Variants in LUZP1 observed in about 807,000 individuals in gnomAD.
LUZP1 encodes leucine zipper protein 1.
LUZP1 carries 25 observed loss-of-function variants against 71.3 expected under a neutral mutation model. The ratio of observed to expected loss-of-function variants is 0.35; its 90% CI spans 0.26 to 0.49. The LOEUF is 0.49. Among genes scored for constraint, LUZP1 ranks in the 20% least tolerant of loss-of-function variants. The pLI is 0.99. For missense variants in LUZP1, 1,142 were observed against 1,300.8 expected, an observed-to-expected ratio of 0.88 and a Z score of 1.88; for synonymous variants, 481 against 506.4, an observed-to-expected ratio of 0.95 and a Z score of 0.67.
chr1:23,108,925 C>A (rs1480103499), intron 3 of LUZP1, 97 bp downstream of exon 2: 1 of 152,216 alleles, frequency 6.6e-6, no homozygotes, highest in Non-Finnish European at 1.5e-5. Context: ...CAAATACTGA[C>A]TTTCCTCCCC....
chr1:23,093,299 G>A lies in LUZP1; in HGVS notation c.963C>T (p.Asp321=). 1 of 1,610,560 alleles carries A rather than the reference G, an allele frequency of 6.2e-7. No homozygotes were observed. The highest frequency in any genetic ancestry group is 8.5e-7 in the Non-Finnish European group (1 of 1,179,194). ...GTTCACTTAGGTAATTATCCTGAAG[G>A]TCGTTATTTTTGGACTTCATTTTCT... Residue 321 remains aspartate (D), a synonymous_variant, in exon 4 of 5, where the codon GAC becomes GAT. Transcript: ENST00000302291. The surrounding 1 kb of genome is among the most constrained non-coding windows in gnomAD (Gnocchi z 4.2).
chr1:23,091,268 A>G, exon 4 of LUZP1: 1 of 1,614,036 alleles, frequency 6.2e-7, no homozygotes, highest in East Asian at 2.2e-5. Flanking sequence ...CCTCTGACAC[A>G]GTGAGGCTAC....
intron 2 of LUZP1, among the ~76,000 whole-genome samples, chr1:23,128,259 C>T (rs1417261153): frequency 6.6e-6 from 1 of 150,872 alleles, no homozygotes; most frequent in African/African-American, 2.4e-5. Context: ...TGGAATCCAT[C>T]ATAACATAAT....
intron 2 of LUZP1, among the ~76,000 whole-genome samples, chr1:23,148,444 T>G (rs1265290960): frequency 6.6e-6 from 1 of 152,194 alleles, no homozygotes; most frequent in African/African-American, 2.4e-5. Flanking sequence ...AAAATTTGCT[T>G]TACTAAATTT....
At chr1:23,163,237 C>CAAAA (rs36097785) in intron 2 of LUZP1, among the ~76,000 whole-genome samples, 2 of 45,142 alleles carry the variant, frequency 4.4e-5, no homozygotes, top group Non-Finnish European at 9.1e-5. Flanking sequence ...GAGACTCTCT[C>CAAAA]AAAAAAAAAA....
exon 5 of LUZP1, chr1:23,085,077 A>G (rs1643742890): frequency 6.6e-6 from 1 of 152,652 alleles, no homozygotes; most frequent in African/African-American, 2.4e-5. Flanking sequence ...CATGCACCCA[A>G]GGAGCCCTGA....
At chr1:23,086,046 G>GT (rs540420719) in exon 5 of LUZP1, 1 of 152,250 alleles carries the variant, frequency 6.6e-6, no homozygotes, top group Non-Finnish European at 1.5e-5. Flanking sequence ...ACCGGGGGCA[G>GT]TGGGACTATT....
chr1:23,110,962 G>A lies in LUZP1; in HGVS notation c.-225-1835C>T, dbSNP rs183458237. On this transcript the variant is annotated intron_variant, in intron 2 of 4. Transcript: ENST00000302291. ...CGCCTGTAATCCCAGCACTTTGGGC[G>A]GCCAAGGCGGGCAGATCACCTGAGG... Among the ~76,000 whole-genome samples the A allele has an allele frequency of 2.6e-4, 39 of 152,112 alleles. 1 individual carries two copies. Among genetic ancestry groups the A allele is most frequent in the South Asian group, 8.3e-4 (4 of 4,810 alleles).
intron 2 of LUZP1, among the ~76,000 whole-genome samples, chr1:23,139,023 T>C (rs1451262234): frequency 1.4e-5 from 1 of 71,330 alleles, no homozygotes; most frequent in East Asian, 3.6e-4. Flanking sequence ...AAAAAAAATA[T>C]ATATATATAT....
intron 2 of LUZP1, among the ~76,000 whole-genome samples, chr1:23,136,072 G>A (rs1644250766): frequency 6.6e-6 from 1 of 152,016 alleles, no homozygotes; most frequent in Non-Finnish European, 1.5e-5. Flanking sequence ...GAGCTTTTTT[G>A]TGCCTCTAAT....
chr1:23,177,260 CACA>C (rs1644587986), intron 1 of LUZP1, among the ~76,000 whole-genome samples: 1 of 152,118 alleles, frequency 6.6e-6, no homozygotes, highest in Non-Finnish European at 1.5e-5. Flanking sequence ...ATGCAACACA[CACA>C]ACATGTTACA....
intron 3 of LUZP1, among the ~76,000 whole-genome samples, chr1:23,103,814 AGGAG>A (rs912247876): frequency 7.6e-6 from 1 of 132,354 alleles, no homozygotes; most frequent in African/African-American, 2.8e-5. Context: ...TTTATTGGGA[AGGAG>A]GGAGGGAGGA....
At chr1:23,112,770 T>C (rs983561532) in intron 2 of LUZP1, among the ~76,000 whole-genome samples, 2 of 152,196 alleles carry the variant, frequency 1.3e-5, no homozygotes, top group African/African-American at 4.8e-5. Context: ...CTAGGCTTTC[T>C]GTCCTGAAGA....
intron 2 of LUZP1, among the ~76,000 whole-genome samples, chr1:23,144,175 ACT>A (rs1644325698): frequency 6.6e-6 from 1 of 152,048 alleles, no homozygotes; most frequent in Non-Finnish European, 1.5e-5. Flanking sequence ...CTTCTCAAAG[ACT>A]CTTCTTTTCA....
intron 2 of LUZP1, among the ~76,000 whole-genome samples, chr1:23,122,066 T>C (rs973639587): frequency 2.6e-5 from 4 of 152,046 alleles, no homozygotes; most frequent in African/African-American, 9.7e-5. Flanking sequence ...CTTTAAGTAA[T>C]TGACATTCTT....
chr1:23,145,643 T>G (rs955743762), intron 2 of LUZP1, among the ~76,000 whole-genome samples: 1 of 151,958 alleles, frequency 6.6e-6, no homozygotes, highest in African/African-American at 2.4e-5. Flanking sequence ...CTAATTTTTG[T>G]ATTTTTAGTA....
chr1:23,125,197 C>T (rs931064643), intron 2 of LUZP1, among the ~76,000 whole-genome samples: 1 of 152,148 alleles, frequency 6.6e-6, no homozygotes, highest in African/African-American at 2.4e-5. Flanking sequence ...AGCAGATATG[C>T]TTACAACCCG....
chr1:23,147,141 T>C (rs1204860496), intron 2 of LUZP1, among the ~76,000 whole-genome samples: 2 of 137,382 alleles, frequency 1.5e-5, no homozygotes, highest in Non-Finnish European at 3.1e-5. Context: ...ACATGGGCTT[T>C]AAGAAATGCT....
chr1:23,131,030 C>G (rs1644210899), intron 2 of LUZP1, among the ~76,000 whole-genome samples: 1 of 151,840 alleles, frequency 6.6e-6, no homozygotes, highest in Non-Finnish European at 1.5e-5. Context: ...CCAGCCTGGG[C>G]CAACATGGTG....
Sources: allele counts gnomAD v4.1 joint callset (sites outside exome capture counted in the v4.1 genomes callset), GRCh38; gene constraint gnomAD v4.1.1; non-coding constraint Gnocchi (gnomAD v3.1); transcripts MANE v1.5; gene names NCBI Gene and HGNC (gene_info 2026-07-23, HGNC 2026-07-21).